NSMCE2: variants seen among roughly 807,000 people sequenced by gnomAD.
NSMCE2 encodes the protein NSE2 SUMO ligase component of SMC5/6 complex.
In NSMCE2, 24 loss-of-function variants were observed where a neutral mutation model predicts 23.8. The observed-to-expected ratio is 1.01, with a 90% CI of 0.73 to 1.42. The LOEUF (loss-of-function observed/expected upper bound fraction) is 1.42. Among genes scored for constraint, NSMCE2 ranks in the 40% most tolerant of loss-of-function variants. The probability of loss-of-function intolerance (pLI) is 0.00; values close to 1 mark genes in which losing one functional copy is unlikely to be tolerated. For missense variants in NSMCE2, 284 were observed against 296.5 expected (o/e 0.96, Z 0.31); for synonymous variants, 92 against 94.1 (o/e 0.98, Z 0.13).
At chr8:125,352,503 C>G (rs1813083002) in intron 5 of NSMCE2, among the ~76,000 whole-genome samples, 1 of 151,494 alleles carries the variant, frequency 6.6e-6, no homozygotes, top group Non-Finnish European at 1.5e-5. Context: ...AATTTGGGAG[C>G]AGAGGAGCTC....
intron 5 of NSMCE2, among the ~76,000 whole-genome samples, chr8:125,193,514 C>T (rs1823459865): frequency 6.6e-6 from 1 of 152,156 alleles, no homozygotes; most frequent in Admixed American, 6.5e-5. Context: ...TATGCTTCTA[C>T]CTTGTCTCTT....
At chr8:125,340,020 T>TG (rs1554640801) in intron 5 of NSMCE2, among the ~76,000 whole-genome samples, 5 of 142,758 alleles carry the variant, frequency 3.5e-5, no homozygotes, top group Non-Finnish European at 7.6e-5. Flanking sequence ...TTGTTTTTTT[T>TG]TTTTTTTTTT....
chr8:125,125,150 A>G (rs921682302), intron 3 of NSMCE2, among the ~76,000 whole-genome samples: 2 of 151,946 alleles, frequency 1.3e-5, no homozygotes, highest in Non-Finnish European at 2.9e-5. Flanking sequence ...TTTCCTTTCC[A>G]ATCTGGATGC....
intron 5 of NSMCE2, among the ~76,000 whole-genome samples, chr8:125,230,688 C>T (rs1825288857): frequency 6.7e-6 from 1 of 148,556 alleles, no homozygotes; most frequent in Admixed American, 6.7e-5. Flanking sequence ...TTTTTTATTA[C>T]TTAATGGATA....
chr8:125,261,072 G>A (rs532367629), intron 5 of NSMCE2, among the ~76,000 whole-genome samples: 81 of 152,248 alleles, frequency 5.3e-4, no homozygotes, highest in Admixed American at 1.1e-3. Flanking sequence ...TTTACATTTC[G>A]GTGAAAAGGG....
chr8:125,159,299 C>G (rs1371091954), intron 4 of NSMCE2, among the ~76,000 whole-genome samples: 1 of 152,048 alleles, frequency 6.6e-6, no homozygotes, highest in East Asian at 1.9e-4. Flanking sequence ...AGTCATGAAC[C>G]ACATAACAAT....
At chr8:125,271,752 A>G (rs1827202026) in intron 5 of NSMCE2, among the ~76,000 whole-genome samples, 1 of 152,092 alleles carries the variant, frequency 6.6e-6, no homozygotes. Flanking sequence ...TGCTTTTGAT[A>G]CTGTTTTTCA....
intron 4 of NSMCE2, among the ~76,000 whole-genome samples, chr8:125,163,348 A>G (rs1821718383): frequency 6.6e-6 from 1 of 152,246 alleles, no homozygotes; most frequent in Non-Finnish European, 1.5e-5. Flanking sequence ...GTTAAAAATA[A>G]AGTCTGAATA....
chr8:125,316,457 C>T (rs941201623), intron 5 of NSMCE2, among the ~76,000 whole-genome samples: 5 of 152,200 alleles, frequency 3.3e-5, no homozygotes, highest in African/African-American at 1.2e-4. Flanking sequence ...GCAGTACGTG[C>T]ATTGGTCAGA....
intron 5 of NSMCE2, among the ~76,000 whole-genome samples, chr8:125,336,333 T>C (rs1031800808): frequency 1.3e-5 from 2 of 152,200 alleles, no homozygotes; most frequent in African/African-American, 2.4e-5. Context: ...GCCAGTTAAG[T>C]CTTCTCCCAT....
intron 3 of NSMCE2, among the ~76,000 whole-genome samples, chr8:125,124,600 C>G (rs1819425107): frequency 6.6e-6 from 1 of 152,116 alleles, no homozygotes. Context: ...CCACCTCAGT[C>G]TCCTGAGTAG....
At chr8:125,248,311 T>C (rs1179359941) in intron 5 of NSMCE2, among the ~76,000 whole-genome samples, 4 of 152,158 alleles carry the variant, frequency 2.6e-5, no homozygotes, top group Non-Finnish European at 5.9e-5. Flanking sequence ...AGCAATTGCT[T>C]CAAACTTGCA....
At chr8:125,225,887 C>T (rs1028339403) in intron 5 of NSMCE2, among the ~76,000 whole-genome samples, 1 of 152,116 alleles carries the variant, frequency 6.6e-6, no homozygotes, top group Admixed American at 6.5e-5. Context: ...TTTCCAGATA[C>T]AATATTATCG....
chr8:125,099,730 T>C (rs1563648877), intron 1 of NSMCE2, among the ~76,000 whole-genome samples: 1 of 151,878 alleles, frequency 6.6e-6, no homozygotes. Flanking sequence ...GGAACCCTAG[T>C]GGGGGTGGGT....
chr8:125,337,848 T>G (rs1429132752), intron 5 of NSMCE2, among the ~76,000 whole-genome samples: 1 of 128,478 alleles, frequency 7.8e-6, no homozygotes, highest in African/African-American at 2.9e-5. Context: ...TGAGCCAAGA[T>G]CGCACCATTG....
At chr8:125,193,542 T>A (rs1343040644) in intron 5 of NSMCE2, among the ~76,000 whole-genome samples, 6 of 152,356 alleles carry the variant, frequency 3.9e-5, no homozygotes, top group East Asian at 1.9e-4. Context: ...CTTCATTTTT[T>A]AAAATGTATT....
At chr8:125,239,671 A>AATT (rs1453929070) in intron 5 of NSMCE2, among the ~76,000 whole-genome samples, 1 of 152,126 alleles carries the variant, frequency 6.6e-6, no homozygotes. Context: ...TGATACAAAA[A>AATT]ATTACAAATT....
rs553027460 is a variant in NSMCE2 at position 125,306,909 on chromosome 8, G to A, written c.419-50310G>A. ...TACCTACATCCTTAGCATTATGTGA[G>A]GAATAATAAGTTAATACATGTGAAA... On this transcript the variant is annotated intron_variant, in intron 5 of 7. Coordinates refer to ENST00000287437, the MANE Select transcript of NSMCE2 (RefSeq NM_173685.4). Among the ~76,000 whole-genome samples the A allele has an allele frequency of 1.1e-4, 16 of 152,262 alleles. No homozygotes were observed. The South Asian group carries it at 3.3e-3, about 32-fold the overall frequency.
chr8:125,233,247 A>G (rs1257872567), intron 5 of NSMCE2, among the ~76,000 whole-genome samples: 1 of 152,244 alleles, frequency 6.6e-6, no homozygotes, highest in African/African-American at 2.4e-5. Flanking sequence ...GGATCGTAAC[A>G]TGTAATTTAG....
Sources: gnomAD v4.1 joint callset for allele counts (sites outside exome capture counted in the v4.1 genomes callset) on GRCh38, gnomAD v4.1.1 for gene constraint, MANE v1.5 for transcripts, NCBI Gene and HGNC (gene_info 2026-07-23, HGNC 2026-07-21) for gene names.